The following PLCL1 variants were observed in gnomAD, a reference collection of about 807,000 sequenced individuals.
PLCL1 encodes phospholipase C like 1 (inactive).
Under a neutral mutation model 84.4 loss-of-function variants are expected in PLCL1, and 41 were observed. The ratio of observed to expected loss-of-function variants is 0.49; its 90% confidence interval spans 0.38 to 0.63. The LOEUF (loss-of-function observed/expected upper bound fraction) is 0.63. PLCL1 is among the 30% of genes least tolerant of loss of function. The pLI is 0.00. For missense variants in PLCL1, 1,206 were observed against 1,367.8 expected (o/e 0.88, Z 1.87); for synonymous variants, 490 against 488.3 (o/e 1.00, Z -0.05).
intron 1 of PLCL1, among the ~76,000 whole-genome samples, chr2:197,872,248 T>C (rs1037075448): frequency 1.3e-5 from 2 of 152,120 alleles, no homozygotes; most frequent in Admixed American, 1.3e-4. Context: ...TCCTGTTCCA[T>C]GCAAGCAGAG....
intron 5 of PLCL1, among the ~76,000 whole-genome samples, chr2:198,109,595 G>T (rs1432289712): frequency 6.6e-6 from 1 of 151,806 alleles, no homozygotes; most frequent in Admixed American, 6.6e-5. Context: ...GAGTTCTGAA[G>T]ATCTCTTGGG....
intron 1 of PLCL1, among the ~76,000 whole-genome samples, chr2:197,972,461 C>T (rs1027255197): frequency 6.6e-6 from 1 of 152,130 alleles, no homozygotes; most frequent in African/African-American, 2.4e-5. Context: ...TGTCTGACAG[C>T]ATCAGAGAAA....
chr2:197,901,033 A>G (rs775035962), intron 1 of PLCL1, among the ~76,000 whole-genome samples: 5 of 152,228 alleles, frequency 3.3e-5, no homozygotes, highest in Non-Finnish European at 7.3e-5. Flanking sequence ...TGGATTAGGT[A>G]CATACACATT....
intron 1 of PLCL1, among the ~76,000 whole-genome samples, chr2:197,977,142 C>T (rs1283949281): frequency 6.6e-6 from 1 of 152,168 alleles, no homozygotes; most frequent in African/African-American, 2.4e-5. Flanking sequence ...AAAAAAAGGA[C>T]ATGAATCTTG....
Position 197,957,624 on chromosome 2 carries a change from C to T in PLCL1, c.241-126134C>T, listed in dbSNP as rs575357108. Among the ~76,000 whole-genome samples, 49 of 152,074 alleles carry T rather than the reference C, an allele frequency of 3.2e-4. No homozygotes were observed. The South Asian group carries it at 9.7e-3, about 30-fold the overall frequency. On this transcript the variant is annotated intron_variant, in intron 1 of 5. Coordinates refer to ENST00000428675, the MANE Select transcript of PLCL1 (RefSeq NM_006226.4). The stretch of plus-strand genomic sequence containing the variant: ...GCTGATTCCCTCACATATTCTCAGA[C>T]CATCTCATCTACAGGGAACAGCCTC...
At position 198,083,878 on chromosome 2, in the gene PLCL1, T is replaced by C. The variant is rs1039047326; in HGVS notation, c.361T>C (p.Leu121=). 1 of 1,614,030 alleles carries C rather than the reference T, an allele frequency of 6.2e-7. No individual in the cohort carries two copies. Among genetic ancestry groups the C allele is most frequent in the South Asian group, 1.1e-5 (1 of 91,076 alleles). ...CISFMQAGCE[L]KKVRPNSRIY... Reference sequence around the variant, plus strand: ...CAGCTTCATGCAAGCTGGCTGTGAGTTGAAGAAAGTCCGGCCAAATTCTCG... The same window carrying C: ...CAGCTTCATGCAAGCTGGCTGTGAGCTGAAGAAAGTCCGGCCAAATTCTCG... The change falls in exon 2 of 6, where the codon TTG becomes CTG. Residue 121 remains leucine, a synonymous_variant. Coordinates refer to ENST00000428675, the MANE Select transcript of PLCL1 (RefSeq NM_006226.4).
chr2:197,823,791 A>G (rs1186217778), intron 1 of PLCL1, among the ~76,000 whole-genome samples: 1 of 152,060 alleles, frequency 6.6e-6, no homozygotes, highest in Admixed American at 6.5e-5. Flanking sequence ...GAGTTGATAT[A>G]GTAAGTAGTT....
At chr2:197,914,332 A>T (rs1043141785) in intron 1 of PLCL1, among the ~76,000 whole-genome samples, 7 of 145,282 alleles carry the variant, frequency 4.8e-5, no homozygotes, top group Non-Finnish European at 6.1e-5. Context: ...TTTTTATGTT[A>T]TTTTTTTTTT....
At position 197,866,150 on chromosome 2, in the gene PLCL1, ATATATAAAC is replaced by A. The variant is rs1687534889; in HGVS notation, c.240+60818_240+60826del. ...CTATATATATATATAAACTATATAT[ATATATAAAC>A]TATATATATATATAAACTATATATA... On this transcript the variant is annotated intron_variant, in intron 1 of 5. Coordinates refer to ENST00000428675, the MANE Select transcript of PLCL1 (RefSeq NM_006226.4). Among the ~76,000 whole-genome samples the A allele has an allele frequency of 5.1e-5, 2 of 39,028 alleles. 1 individual carries two copies. Among genetic ancestry groups the A allele is most frequent in the Non-Finnish European group, 8.7e-5 (2 of 22,924 alleles). The allele number at this position is 39,028 out of a possible 152,430, so 25.6% of individuals were successfully genotyped here.
At chr2:198,020,246 T>C (rs1194563084) in intron 1 of PLCL1, among the ~76,000 whole-genome samples, 2 of 152,062 alleles carry the variant, frequency 1.3e-5, no homozygotes, top group Non-Finnish European at 2.9e-5. Flanking sequence ...AAGCACTAAA[T>C]ATGGGAAGGA....
intron 5 of PLCL1, among the ~76,000 whole-genome samples, chr2:198,108,330 T>C (rs1211576146): frequency 6.6e-6 from 1 of 151,886 alleles, no homozygotes; most frequent in East Asian, 1.9e-4. Context: ...TAGACTAGTA[T>C]TCCCTACTAT....
rs1044002040 is a variant in PLCL1 at position 198,075,205 on chromosome 2, C to T, written c.241-8553C>T. ...GGGGTCTCCTGAGGAAGGACAGAATCGTATCTCGGTCTCCAAGCCCACTTG... is the reference window on the plus strand; with the variant it reads ...GGGGTCTCCTGAGGAAGGACAGAATTGTATCTCGGTCTCCAAGCCCACTTG... On this transcript the variant is annotated intron_variant, in intron 1 of 5. Coordinates refer to ENST00000428675, the MANE Select transcript of PLCL1 (RefSeq NM_006226.4). Among the ~76,000 whole-genome samples the T allele has an allele frequency of 3.3e-5, 5 of 152,188 alleles. No homozygotes were observed. The South Asian group carries it at 8.3e-4, about 25-fold the overall frequency.
At chr2:198,082,792 C>T (rs894718583) in intron 1 of PLCL1, among the ~76,000 whole-genome samples, 3 of 152,036 alleles carry the variant, frequency 2.0e-5, no homozygotes, top group Non-Finnish European at 2.9e-5. Context: ...TTAGGAAGGA[C>T]GATAGGTGAG....
intron 1 of PLCL1, among the ~76,000 whole-genome samples, chr2:197,890,813 GTGTATATATA>G: frequency 3.3e-5 from 1 of 30,488 alleles, no homozygotes; most frequent in Non-Finnish European, 6.3e-5. Context: ...TGCTATATAT[GTGTATATATA>G]CATATATGCA....
At chr2:198,026,774 T>TTAC (rs2105844949) in intron 1 of PLCL1, among the ~76,000 whole-genome samples, 1 of 152,260 alleles carries the variant, frequency 6.6e-6, no homozygotes, top group Admixed American at 6.5e-5. Context: ...ACGCTCAACA[T>TTAC]TACTAATCAT....
At chr2:197,884,709 C>T (rs545215865) in intron 1 of PLCL1, among the ~76,000 whole-genome samples, 1 of 152,288 alleles carries the variant, frequency 6.6e-6, no homozygotes, top group East Asian at 1.9e-4. Context: ...GCAGCAATCC[C>T]ACAATTCTAA....
chr2:197,940,867 T>C (rs1689145666), intron 1 of PLCL1, among the ~76,000 whole-genome samples: 1 of 152,218 alleles, frequency 6.6e-6, no homozygotes, highest in South Asian at 2.1e-4. Context: ...GTAGCTTTAA[T>C]CAAATAATTA....
intron 1 of PLCL1, among the ~76,000 whole-genome samples, chr2:197,962,089 C>A (rs1266444428): frequency 6.6e-6 from 1 of 152,012 alleles, no homozygotes; most frequent in Admixed American, 6.6e-5. Flanking sequence ...CTCAGAATAG[C>A]TTGCAGAGTT....
chr2:197,954,879 G>A (rs551903356), intron 1 of PLCL1, among the ~76,000 whole-genome samples: 1 of 151,988 alleles, frequency 6.6e-6, no homozygotes, highest in South Asian at 2.1e-4. Flanking sequence ...GTGTATTACA[G>A]GAAATTGTCT....
Sources: allele counts gnomAD v4.1 joint callset (sites outside exome capture counted in the v4.1 genomes callset), GRCh38; gene constraint gnomAD v4.1.1; transcripts MANE v1.5; gene names NCBI Gene and HGNC (gene_info 2026-07-23, HGNC 2026-07-21).